The following LRRC43 variants were observed in gnomAD, a reference collection of about 807,000 sequenced individuals.
The protein encoded by LRRC43 is leucine-rich repeat-containing protein 43.
Under a neutral mutation model 64.3 loss-of-function variants are expected in LRRC43, and 62 were observed. The observed-to-expected ratio is 0.96, with a 90% CI of 0.79 to 1.19. LRRC43 has a LOEUF of 1.19. Among genes scored for constraint, LRRC43 ranks in the 50% most tolerant of loss-of-function variants. LRRC43 has a pLI of 0.00. For synonymous variants in LRRC43, 422 were observed against 382.3 expected, an observed-to-expected ratio of 1.10 and a Z score of -1.21; for missense variants, 868 against 845.0, an observed-to-expected ratio of 1.03 and a Z score of -0.34.
intron 4 of LRRC43, among the ~76,000 whole-genome samples, chr12:122,189,142 A>G (rs758631353): frequency 1.3e-5 from 2 of 152,118 alleles, no homozygotes; most frequent in African/African-American, 2.4e-5. Flanking sequence ...GTAGGAGGGG[A>G]TCAGAGACCA....
intron 7 of LRRC43, among the ~76,000 whole-genome samples, chr12:122,199,072 G>C (rs747744536): frequency 1.3e-5 from 2 of 151,320 alleles, no homozygotes; most frequent in African/African-American, 2.4e-5. Context: ...CCACCTCCCA[G>C]GTTCAACGTT....
chr12:122,187,450 T>G, intron 3 of LRRC43: 1 of 439,626 alleles, frequency 2.3e-6, no homozygotes, highest in Non-Finnish European at 4.1e-6. Context: ...GCTCCCCCAC[T>G]GCCAATCCAG....
Position 122,183,156 on chromosome 12 carries a change from G to A in LRRC43, c.12G>A (p.Ser4=), listed in dbSNP as rs751905167. Reference sequence around the variant, plus strand: ...ACGCGGCCCGGGCCATGGAGGCGTCGTACGAGTCCGAGTCCGAGTCCGAGT... The same window carrying A: ...ACGCGGCCCGGGCCATGGAGGCGTCATACGAGTCCGAGTCCGAGTCCGAGT... MEA[S]YESESESESE... Residue 4 remains serine, a synonymous_variant, in exon 1 of 12, where the codon TCG becomes TCA. Transcript: ENST00000339777. 3.9e-6 allele frequency: 6 copies of A among 1,547,228 alleles called. No homozygotes were observed. The highest frequency in any genetic ancestry group is 1.2e-5 in the South Asian group (1 of 85,082).
At chr12:122,172,305 A>T in intron 1 of LRRC43, 1 of 816,636 alleles carries the variant, frequency 1.2e-6, no homozygotes, top group Non-Finnish European at 2.0e-6. Context: ...GAGATTATTC[A>T]TTGGAAAAAT....
intron 7 of LRRC43, among the ~76,000 whole-genome samples, chr12:122,194,699 G>T (rs1317086678): frequency 6.6e-6 from 1 of 151,974 alleles, no homozygotes; most frequent in Non-Finnish European, 1.5e-5. Flanking sequence ...TTGAACTCCT[G>T]ATCTCAAGCA....
At chr12:122,194,216 T>G (rs1455126314) in intron 7 of LRRC43, among the ~76,000 whole-genome samples, 1 of 152,002 alleles carries the variant, frequency 6.6e-6, no homozygotes, top group Non-Finnish European at 1.5e-5. Context: ...TAAAGTTGTT[T>G]TTTTTTTTAA....
intron 1 of LRRC43, among the ~76,000 whole-genome samples, chr12:122,177,407 G>T (rs908864837): frequency 2.0e-5 from 3 of 152,068 alleles, no homozygotes; most frequent in Non-Finnish European, 4.4e-5. Context: ...TTTCAGCTCA[G>T]TGAGTTCCTG....
In LRRC43 at chr12:122,172,399, G is replaced by A. The variant is rs551901870; in HGVS notation, c.-406+4617G>A. 3 of 1,591,376 alleles carry A rather than the reference G, an allele frequency of 1.9e-6. No homozygotes were observed. The South Asian group carries it at 3.4e-5, about 18-fold the overall frequency. On this transcript the variant is annotated intron_variant, in intron 1 of 5. Coordinates refer to the LRRC43 transcript ENST00000537729. Reference sequence around the variant, plus strand: ...TCCTTAAGTTCCTGCCAATCCGAAAGGAAGAGATGGCCTTAAGTGGTGGCC... The same window carrying A: ...TCCTTAAGTTCCTGCCAATCCGAAAAGAAGAGATGGCCTTAAGTGGTGGCC...
chr12:122,176,243 G>A (rs1171968704), intron 1 of LRRC43, among the ~76,000 whole-genome samples: 1 of 152,168 alleles, frequency 6.6e-6, no homozygotes, highest in Non-Finnish European at 1.5e-5. Context: ...GGAAGACCTG[G>A]GAGAAGAGTG....
chr12:122,183,256 CTG>C lies in LRRC43; in HGVS notation c.116_117del (p.Cys39SerfsTer13). On this transcript the variant is annotated frameshift_variant, in exon 1 of 12. Coordinates refer to ENST00000339777, the MANE Select transcript of LRRC43 (RefSeq NM_001098519.2). LOFTEE classifies it high-confidence loss of function. ...GGCCGTGCGCGAGCACTTGCGGAAG[CTG>C]TGTCTGCGCGAGTTCCCGTGCGGTG... ...SAAVREHLRKLCLREFPCGAG... is the reference protein window; with the variant it reads ...SAAVREHLRKXCLREFPCGAG... The C allele has an allele frequency of 1.3e-6, 2 of 1,566,526 alleles. No individual in the cohort carries two copies. Among genetic ancestry groups the C allele is most frequent in the Non-Finnish European group, 1.7e-6 (2 of 1,166,108 alleles).
In LRRC43 at chr12:122,186,256, C is replaced by A; in HGVS notation, c.478C>A (p.Arg160=). ...GGAGGAGTTGGTACTGAGCGCCAAT[C>A]GAATCAAGGAGGTGGATGCCACCAA... ...KLEELVLSAN[R]IKEVDATNLP... is the part of the protein sequence containing the mutation. The change falls in exon 3 of 12, where the codon CGA becomes AGA. Residue 160 remains arginine, a synonymous_variant. Transcript: ENST00000339777. 3 of 1,606,084 alleles carry A rather than the reference C, an allele frequency of 1.9e-6. No homozygotes were observed. Among genetic ancestry groups the A allele is most frequent in the Non-Finnish European group, 2.5e-6 (3 of 1,176,670 alleles).
chr12:122,177,176 G>A (rs1423374380), intron 1 of LRRC43, among the ~76,000 whole-genome samples: 1 of 152,112 alleles, frequency 6.6e-6, no homozygotes, highest in Non-Finnish European at 1.5e-5. Context: ...AGATTTTCCT[G>A]CATTCCCTGG....
chr12:122,200,776 C>A lies in LRRC43; in HGVS notation c.1651C>A (p.Pro551Thr). 6.2e-7 allele frequency: 1 copy of A among 1,612,688 alleles called. No homozygotes were observed. The change falls in exon 10 of 12, where the codon CCG (proline) becomes ACG (threonine). Residue 551 changes from proline (P) to threonine (T), a missense_variant. Pro to Thr is a conservative substitution (Grantham distance 38). Transcript: ENST00000339777. The surrounding 1 kb of genome is among the most constrained non-coding windows in gnomAD (Gnocchi z 4.6). ...GAAGGTGCTGAAGAAGAAGAAAGAG[C>A]CGCCCAAGGAGCTCCGGCAGGACCC... Reference protein sequence around the residue: ...EWKVLKKKKEPPKELRQDPPI... With the variant: ...EWKVLKKKKETPKELRQDPPI...
At chr12:122,176,357 G>A (rs1416239546) in intron 1 of LRRC43, among the ~76,000 whole-genome samples, 1 of 152,136 alleles carries the variant, frequency 6.6e-6, no homozygotes, top group East Asian at 1.9e-4. Context: ...GACGCGAGAG[G>A]ACAGGAGGGT....
At chr12:122,177,683 T>C (rs1405387701) in intron 1 of LRRC43, among the ~76,000 whole-genome samples, 1 of 151,976 alleles carries the variant, frequency 6.6e-6, no homozygotes, top group Non-Finnish European at 1.5e-5. Context: ...TTTTCTATTT[T>C]TTGTAGCGAT....
In LRRC43 at chr12:122,196,973, C is replaced by T. The variant is rs1384925522; in HGVS notation, c.1350-3216C>T. Among the ~76,000 whole-genome samples, 9 of 152,190 alleles carry T rather than the reference C, an allele frequency of 5.9e-5. No homozygotes were observed. In the East Asian group the frequency reaches 9.7e-4, roughly 16 times the overall value. On this transcript the variant is annotated intron_variant, in intron 7 of 11. Transcript: ENST00000339777. Reference sequence around the variant, plus strand: ...ACAGACTCAGAGACACGAAGAACAGCGGAAATGAGACTTTTCATGGCAGTT... The same window carrying T: ...ACAGACTCAGAGACACGAAGAACAGTGGAAATGAGACTTTTCATGGCAGTT...
intron 7 of LRRC43, among the ~76,000 whole-genome samples, chr12:122,193,354 C>CCGG (rs1953742124): frequency 7.0e-6 from 1 of 142,090 alleles, no homozygotes; most frequent in Non-Finnish European, 1.5e-5. Flanking sequence ...GCGCTCCAGC[C>CCGG]CGGCGACAGA....
At position 122,200,719 on chromosome 12, in the gene LRRC43, C is replaced by A; in HGVS notation, c.1621-27C>A. ...GCCACACCCTTGCTTCAACTTGTCC[C>A]ACCCTCCTGTCCTCCCGTCGTCGCA... On this transcript the variant is annotated intron_variant, in intron 9 of 11. Transcript: ENST00000339777. This position sits in a 1 kb window ranked among gnomAD's most constrained non-coding sequence, Gnocchi z 4.6. The A allele has an allele frequency of 6.2e-7, 1 of 1,613,194 alleles. No homozygotes were observed. The highest frequency in any genetic ancestry group is 8.5e-7 in the Non-Finnish European group (1 of 1,179,936).
chr12:122,190,394 G>A (rs777288860), intron 5 of LRRC43, 26 bp downstream of exon 5: 6 of 1,583,984 alleles, frequency 3.8e-6, no homozygotes, highest in Non-Finnish European at 5.2e-6. Flanking sequence ...TGCAGGGAGG[G>A]GGTGGCATGT....
Sources: allele counts gnomAD v4.1 joint callset (sites outside exome capture counted in the v4.1 genomes callset), GRCh38; gene constraint gnomAD v4.1.1; non-coding constraint Gnocchi (gnomAD v3.1); transcripts MANE v1.5; gene names NCBI Gene and HGNC (gene_info 2026-07-23, HGNC 2026-07-21).